The following SNX13 variants were observed in gnomAD, a reference collection of about 807,000 sequenced individuals.
SNX13 encodes the protein sorting nexin 13.
Under a neutral mutation model 133.6 loss-of-function variants are expected in SNX13, and 45 were observed. That is an observed-to-expected ratio of 0.34 (90% confidence interval 0.27 to 0.43). The LOEUF (loss-of-function observed/expected upper bound fraction) is 0.43, where lower values mean the gene tolerates loss of function less well. SNX13 is among the 20% of genes least tolerant of loss of function. SNX13 has a pLI of 1.00. For missense variants in SNX13, 1,032 were observed against 1,145.1 expected (o/e 0.90, Z 1.43); for synonymous variants, 414 against 373.9 (o/e 1.11, Z -1.24).
At chr7:17,838,924 T>C (rs1056899053) in intron 13 of SNX13, among the ~76,000 whole-genome samples, 2 of 151,194 alleles carry the variant, frequency 1.3e-5, no homozygotes, top group African/African-American at 2.4e-5. Flanking sequence ...TTAGGGGAAA[T>C]AGTCTATAGA....
At chr7:17,807,400 C>G (rs899417146) in intron 20 of SNX13, among the ~76,000 whole-genome samples, 1 of 152,164 alleles carries the variant, frequency 6.6e-6, no homozygotes, top group Admixed American at 6.5e-5. Flanking sequence ...CTCAGCAAAG[C>G]CACTGTAGCC....
intron 11 of SNX13, among the ~76,000 whole-genome samples, chr7:17,849,357 G>A (rs141195824): frequency 4.6e-5 from 7 of 152,072 alleles, no homozygotes; most frequent in African/African-American, 1.4e-4. Flanking sequence ...GTCTCTAATC[G>A]CTTCTCACAA....
At chr7:17,889,509 A>T (rs1796396995) in intron 5 of SNX13, 1 of 152,196 alleles carries the variant, frequency 6.6e-6, no homozygotes, top group African/African-American at 2.4e-5. Context: ...AAAAAAAAAA[A>T]ATCTACAAAC....
At chr7:17,878,125 A>G (rs1446694823) in intron 5 of SNX13, among the ~76,000 whole-genome samples, 1 of 152,146 alleles carries the variant, frequency 6.6e-6, no homozygotes, top group Non-Finnish European at 1.5e-5. Context: ...CTTCTACTGC[A>G]TTTACTACAT....
intron 1 of SNX13, chr7:17,898,355 A>G (rs984952374): frequency 2.0e-5 from 3 of 152,224 alleles, no homozygotes; most frequent in Admixed American, 1.3e-4. Context: ...AGAAAGCATT[A>G]TAAGATGCTA....
At chr7:17,913,760 C>CAAAAAAAAAAAAAAAAAAAAAAAAAAAAA (rs71010278) in intron 1 of SNX13, among the ~76,000 whole-genome samples, 3 of 54,078 alleles carry the variant, frequency 5.5e-5, no homozygotes, top group Non-Finnish European at 9.3e-5. Flanking sequence ...TTAACAAAAA[C>CAAAAAAAAAAAAAAAAAAAAAAAAAAAAA]AAAAAAAAAA....
chr7:17,846,446 T>C (rs774803660), intron 11 of SNX13, among the ~76,000 whole-genome samples: 13 of 152,190 alleles, frequency 8.5e-5, no homozygotes, highest in Non-Finnish European at 1.3e-4. Context: ...TAAGTATGAC[T>C]ACATGTTTTC....
At chr7:17,805,254 T>TGCGCGCGCGCGCGCGCGCGCGC (rs56000068) in intron 20 of SNX13, among the ~76,000 whole-genome samples, 3 of 132,440 alleles carry the variant, frequency 2.3e-5, no homozygotes, top group Non-Finnish European at 4.9e-5. Flanking sequence ...TGTGTGTGCG[T>TGCGCGCGCGCGCGCGCGCGCGC]GCGCGCGCGC....
intron 1 of SNX13, among the ~76,000 whole-genome samples, chr7:17,931,789 T>C (rs928056244): frequency 2.0e-5 from 3 of 152,230 alleles, no homozygotes; most frequent in African/African-American, 7.2e-5. Context: ...CTCATAAGTA[T>C]ATTTACAGAC....
Position 17,872,485 on chromosome 7 carries a change from G to A in SNX13, c.753+1043C>T, listed in dbSNP as rs1794229535. Among the ~76,000 whole-genome samples the A allele has an allele frequency of 2.0e-5, 3 of 152,170 alleles. No homozygotes were observed. In the South Asian group the frequency reaches 6.2e-4, roughly 32 times the overall value. On this transcript the variant is annotated intron_variant, in intron 8 of 25. Transcript: ENST00000428135. ...TCCTTAAGTGGCAGATATGAATCTA[G>A]TGATAGACATCCAGGTACTTGCCAC...
intron 5 of SNX13, among the ~76,000 whole-genome samples, chr7:17,878,821 A>AT (rs1469279656): frequency 3.3e-5 from 5 of 152,070 alleles, no homozygotes; most frequent in African/African-American, 1.2e-4. Context: ...TGTTATGCAG[A>AT]TTCACAGGCT....
intron 5 of SNX13, among the ~76,000 whole-genome samples, chr7:17,886,436 C>A (rs1360746373): frequency 6.6e-6 from 1 of 151,876 alleles, no homozygotes; most frequent in Non-Finnish European, 1.5e-5. Context: ...GGTGTAGTGG[C>A]GTGCGCTTAT....
intron 17 of SNX13, among the ~76,000 whole-genome samples, chr7:17,825,155 CA>C (rs1787748566): frequency 6.6e-6 from 1 of 152,114 alleles, no homozygotes; most frequent in South Asian, 2.1e-4. Context: ...AGAAATCTGG[CA>C]GGCAACAAAT....
intron 9 of SNX13, among the ~76,000 whole-genome samples, chr7:17,861,716 C>T (rs1430492743): frequency 6.6e-6 from 1 of 152,016 alleles, no homozygotes; most frequent in Non-Finnish European, 1.5e-5. Flanking sequence ...AGGAGGGCAC[C>T]GTGCATGTGG....
chr7:17,798,972 T>G, intron 23 of SNX13, 37 bp downstream of exon 23: 1 of 1,587,504 alleles, frequency 6.3e-7, no homozygotes, highest in Non-Finnish European at 8.6e-7. Flanking sequence ...AATAGCTAAG[T>G]AAGATCAGAT....
chr7:17,893,566 C>G, intron 2 of SNX13, 132 bp from the exon 3 acceptor site: 1 of 609,778 alleles, frequency 1.6e-6, no homozygotes, highest in Non-Finnish European at 2.8e-6. Flanking sequence ...GTGACTTTGG[C>G]AAAGCAAGAA....
rs192293429 is a variant in SNX13, at chr7:17,913,087, G to A, written c.13-15641C>T. Among the ~76,000 whole-genome samples the A allele has an allele frequency of 3.2e-3, 484 of 152,280 alleles. 10 individuals are homozygous for A. The highest frequency in any genetic ancestry group is 0.026 in the Admixed American group (395 of 15,302). ...GAGTGTCTCACTAGTTCTGAGGAGC[G>A]GGAGGGAGGCAGACTCCACTCCCAT... On this transcript the variant is annotated intron_variant, in intron 1 of 25. Transcript: ENST00000428135.
chr7:17,832,335 A>C (rs1788595695), intron 15 of SNX13: 1 of 984,604 alleles, frequency 1.0e-6, no homozygotes, highest in Non-Finnish European at 1.2e-6. Context: ...AAAGGACTGG[A>C]AGCATTCTTA....
In SNX13 at chr7:17,791,229, A is replaced by G. The variant is rs1783504937; in HGVS notation, c.*2816T>C. ...GCATTAAATGAAAATATTGCACAAAATTAAAATTTTAGATTGTGAAATTTA... is the reference window on the plus strand; with the variant it reads ...GCATTAAATGAAAATATTGCACAAAGTTAAAATTTTAGATTGTGAAATTTA... On this transcript the variant is annotated 3_prime_UTR_variant, in exon 26 of 26. Transcript: ENST00000428135. 2 of 152,024 alleles carry G rather than the reference A, an allele frequency of 1.3e-5. No homozygotes were observed. The highest frequency in any genetic ancestry group is 4.8e-5 in the African/African-American group (2 of 41,446). 9.4% of individuals were successfully genotyped at this position (152,024 alleles called of 1,614,324 possible).
Sources: gnomAD v4.1 joint callset for allele counts (sites outside exome capture counted in the v4.1 genomes callset) on GRCh38, gnomAD v4.1.1 for gene constraint, MANE v1.5 for transcripts, NCBI Gene and HGNC (gene_info 2026-07-23, HGNC 2026-07-21) for gene names.